Variants in KCND2 observed in about 807,000 individuals in gnomAD.
KCND2 encodes potassium voltage-gated channel subfamily D member 2, also known as A-type voltage-gated potassium channel KCND2.
Under a neutral mutation model 54.4 loss-of-function variants are expected in KCND2, and 16 were observed. That is an observed-to-expected ratio of 0.29 (90% CI 0.20 to 0.45). KCND2 has a LOEUF of 0.45. Ranked by LOEUF, KCND2 falls within the 20% of genes least tolerant of loss-of-function variation. The probability of loss-of-function intolerance (pLI) is 1.00; values close to 1 mark genes in which losing one functional copy is unlikely to be tolerated. For synonymous variants in KCND2, 317 were observed against 310.7 expected, an observed-to-expected ratio of 1.02 and a Z score of -0.21; for missense variants, 486 against 824.2, an observed-to-expected ratio of 0.59 and a Z score of 5.02.
chr7:120,601,933 A>G (rs935397001), intron 1 of KCND2, among the ~76,000 whole-genome samples: 3 of 152,180 alleles, frequency 2.0e-5, no homozygotes, highest in Admixed American at 1.3e-4. Flanking sequence ...GATTTTTGCA[A>G]TTTGATCAGC....
intron 1 of KCND2, among the ~76,000 whole-genome samples, chr7:120,688,181 G>A (rs1016238669): frequency 2.0e-5 from 3 of 152,084 alleles, no homozygotes; most frequent in African/African-American, 7.2e-5. Context: ...GTCCACTTTA[G>A]CAAAGGGTTA....
chr7:120,503,076 C>T (rs1254377761), intron 1 of KCND2, among the ~76,000 whole-genome samples: 1 of 152,060 alleles, frequency 6.6e-6, no homozygotes, highest in Non-Finnish European at 1.5e-5. Flanking sequence ...AGGGTCTAGA[C>T]TGAAACATCC....
At chr7:120,713,085 C>G (rs1255302906) in intron 1 of KCND2, among the ~76,000 whole-genome samples, 1 of 152,120 alleles carries the variant, frequency 6.6e-6, no homozygotes, top group African/African-American at 2.4e-5. Context: ...ATATTAATAG[C>G]CACCTCATTG....
intron 1 of KCND2, among the ~76,000 whole-genome samples, chr7:120,415,093 C>T (rs1012259041): frequency 6.6e-6 from 1 of 152,184 alleles, no homozygotes; most frequent in African/African-American, 2.4e-5. Flanking sequence ...GTACATTAAA[C>T]TACTACCACT....
intron 1 of KCND2, among the ~76,000 whole-genome samples, chr7:120,722,517 G>T (rs549330758): frequency 1.2e-4 from 19 of 152,158 alleles, no homozygotes; most frequent in African/African-American, 4.6e-4. Flanking sequence ...AGAATTTTGT[G>T]CATTCTTTTC....
At chr7:120,498,786 C>T (rs1350990110) in intron 1 of KCND2, among the ~76,000 whole-genome samples, 2 of 151,496 alleles carry the variant, frequency 1.3e-5, no homozygotes, top group Non-Finnish European at 2.9e-5. Flanking sequence ...AAAACAAATA[C>T]GAAAAAGTAA....
chr7:120,704,146 C>G (rs1792436787), intron 1 of KCND2, among the ~76,000 whole-genome samples: 1 of 152,106 alleles, frequency 6.6e-6, no homozygotes. Flanking sequence ...ATCTTGAGTG[C>G]AAAAGTCCAG....
intron 1 of KCND2, among the ~76,000 whole-genome samples, chr7:120,428,181 A>G (rs1004062759): frequency 2.0e-5 from 3 of 152,228 alleles, no homozygotes; most frequent in Non-Finnish European, 2.9e-5. Context: ...AATCAATGCT[A>G]TAATTGTGAT....
At chr7:120,457,791 T>C (rs1012527948) in intron 1 of KCND2, among the ~76,000 whole-genome samples, 3 of 152,204 alleles carry the variant, frequency 2.0e-5, no homozygotes, top group African/African-American at 7.2e-5. Context: ...TTCCACATTT[T>C]CAGGTATCTT....
At chr7:120,313,875 A>G (rs1473000462) in intron 1 of KCND2, among the ~76,000 whole-genome samples, 1 of 151,918 alleles carries the variant, frequency 6.6e-6, no homozygotes, top group Non-Finnish European at 1.5e-5. Flanking sequence ...GAAGTTGAAT[A>G]ATAAGTAATC....
intron 1 of KCND2, among the ~76,000 whole-genome samples, chr7:120,295,322 G>T (rs929508551): frequency 1.0e-4 from 15 of 148,054 alleles, no homozygotes; most frequent in African/African-American, 3.5e-4. Flanking sequence ...CATATTTTCT[G>T]CCCTGAAAAA....
In KCND2 at chr7:120,330,267, C is replaced by T. The variant is rs118191202; in HGVS notation, c.1115+54520C>T. Among the ~76,000 whole-genome samples the T allele has an allele frequency of 1.3e-3, 204 of 152,082 alleles. 2 individuals carry two copies. The East Asian group carries it at 0.026, about 19-fold the overall frequency. ...AAAATGAACTAATCTATCTTAAATACTCAAGTGCCTGGCGCATAATAAAAA... is the reference window on the plus strand; with the variant it reads ...AAAATGAACTAATCTATCTTAAATATTCAAGTGCCTGGCGCATAATAAAAA... On this transcript the variant is annotated intron_variant, in intron 1 of 5. Coordinates refer to ENST00000331113, the MANE Select transcript of KCND2 (RefSeq NM_012281.3).
chr7:120,680,126 C>T (rs1024182135), intron 1 of KCND2, among the ~76,000 whole-genome samples: 1 of 152,114 alleles, frequency 6.6e-6, no homozygotes, highest in African/African-American at 2.4e-5. Context: ...TAAGAAACAA[C>T]AGTCACCATC....
intron 1 of KCND2, among the ~76,000 whole-genome samples, chr7:120,468,466 A>T (rs1802410028): frequency 6.6e-6 from 1 of 152,078 alleles, no homozygotes; most frequent in South Asian, 2.1e-4. Flanking sequence ...GACCCGTGGC[A>T]TTCCCCAGAC....
At chr7:120,313,976 C>T (rs931375496) in intron 1 of KCND2, among the ~76,000 whole-genome samples, 7 of 150,800 alleles carry the variant, frequency 4.6e-5, no homozygotes, top group African/African-American at 1.7e-4. Flanking sequence ...CCAACATCAT[C>T]TGAGCTTCTA....
intron 1 of KCND2, among the ~76,000 whole-genome samples, chr7:120,712,234 T>C (rs1201227735): frequency 7.1e-6 from 1 of 141,782 alleles, no homozygotes; most frequent in Non-Finnish European, 1.5e-5. Context: ...GAATTTTGGA[T>C]ATCTGAATTT....
At chr7:120,382,910 A>G (rs894122181) in intron 1 of KCND2, among the ~76,000 whole-genome samples, 1 of 151,976 alleles carries the variant, frequency 6.6e-6, no homozygotes, top group Middle Eastern at 3.4e-3. Context: ...GAGTTCGAAA[A>G]TCAGCAGTCA....
intron 1 of KCND2, among the ~76,000 whole-genome samples, chr7:120,577,378 T>A (rs1006074332): frequency 1.3e-5 from 2 of 152,212 alleles, no homozygotes; most frequent in Non-Finnish European, 2.9e-5. Flanking sequence ...TAACTTGCTA[T>A]GAATGTACTG....
At chr7:120,351,404 ACACACACACTCT>A (rs1348290864) in intron 1 of KCND2, among the ~76,000 whole-genome samples, 1 of 134,910 alleles carries the variant, frequency 7.4e-6, no homozygotes, top group Non-Finnish European at 1.6e-5. Context: ...ACACACACAC[ACACACACACTCT>A]CTCTCTCTCT....
Sources: allele counts gnomAD v4.1 joint callset (sites outside exome capture counted in the v4.1 genomes callset), GRCh38; gene constraint gnomAD v4.1.1; transcripts MANE v1.5; gene names NCBI Gene and HGNC (gene_info 2026-07-23, HGNC 2026-07-21).